Variants in UBE4B observed in about 807,000 individuals in gnomAD.
UBE4B encodes ubiquitination factor E4B.
A neutral mutation model predicts 148.1 loss-of-function variants in UBE4B; 27 were observed. That is an observed-to-expected ratio of 0.18 (90% CI 0.13 to 0.25). UBE4B has a LOEUF of 0.25. Ranked by LOEUF, UBE4B falls within the 10% of genes least tolerant of loss-of-function variation. The pLI is 1.00. For missense variants in UBE4B, 1,170 were observed against 1,662.4 expected, an observed-to-expected ratio of 0.70 and a Z score of 5.15; for synonymous variants, 596 against 619.3, an observed-to-expected ratio of 0.96 and a Z score of 0.56.
In UBE4B at chr1:10,117,590, A is replaced by G. The variant is rs1470251095; in HGVS notation, c.1328A>G (p.Lys443Arg). 2.5e-6 allele frequency: 4 copies of G among 1,582,854 alleles called. No homozygotes were observed. In the South Asian group the frequency reaches 4.7e-5, roughly 19 times the overall value. Residue 443 changes from lysine (K) to arginine (R), a missense_variant, in exon 8 of 28, where the codon AAA becomes AGA. Physicochemically the swap from Lys to Arg is conservative, Grantham distance 26 (BLOSUM62 2). This residue lies in a region of UBE4B where 388 missense variants were observed against 536.0 expected (regional missense o/e 0.72). Coordinates refer to ENST00000343090, the MANE Select transcript of UBE4B (RefSeq NM_001105562.3). ...CFDRVGIEEK[K>R]APKMCSQPAV... ...GACCGAGTTGGAATAGAGGAAAAAA[A>G]AGCACCAAAGGTAATATGAAATGGA...
chr1:10,116,550 G>A (rs76862201), intron 7 of UBE4B, among the ~76,000 whole-genome samples: 2,668 of 152,082 alleles, frequency 0.018, 34 homozygotes, highest in Non-Finnish European at 0.027. Flanking sequence ...TAATTAATCC[G>A]TATGTGTCTT....
chr1:10,079,197 G>A (rs888859070), intron 2 of UBE4B, among the ~76,000 whole-genome samples: 3 of 152,130 alleles, frequency 2.0e-5, no homozygotes, highest in Non-Finnish European at 4.4e-5. Flanking sequence ...TATTTTTTGA[G>A]ATGGAGTCCC....
At position 10,060,919 on chromosome 1, in the gene UBE4B, A is replaced by G. The variant is rs376198157; in HGVS notation, c.25-11109A>G. On this transcript the variant is annotated intron_variant, in intron 1 of 27. Coordinates refer to ENST00000343090, the MANE Select transcript of UBE4B (RefSeq NM_001105562.3). ...CCACCATGCCCAGCTAATTTTTAAAATTTTTTTGTAGAGAAGTCATCTTAC... is the reference window on the plus strand; with the variant it reads ...CCACCATGCCCAGCTAATTTTTAAAGTTTTTTTGTAGAGAAGTCATCTTAC... 5.8e-4 allele frequency among the ~76,000 whole-genome samples: 88 copies of G among 152,028 alleles called. 1 individual carries two copies. The highest frequency in any genetic ancestry group is 2.0e-3 in the African/African-American group (84 of 41,458).
chr1:10,067,035 CTT>C (rs1337418266), intron 1 of UBE4B, among the ~76,000 whole-genome samples: 4 of 152,006 alleles, frequency 2.6e-5, no homozygotes, highest in African/African-American at 9.7e-5. Context: ...AAGTAAGACA[CTT>C]TTGTAGAATG....
intron 11 of UBE4B, 41 bp from the exon 12 acceptor site, chr1:10,129,351 T>G (rs1429424109): frequency 5.7e-6 from 9 of 1,575,514 alleles, no homozygotes; most frequent in Non-Finnish European, 7.8e-6. Context: ...ACAGTCAGTT[T>G]AAGATGAAAT....
At chr1:10,128,243 A>G (rs1274323187) in intron 11 of UBE4B, 3 of 152,224 alleles carry the variant, frequency 2.0e-5, no homozygotes, top group Non-Finnish European at 4.4e-5. Flanking sequence ...AGCTTTTAGC[A>G]TCTGATATCA....
intron 16 of UBE4B, 127 bp downstream of exon 16, chr1:10,135,313 T>G (rs909909225): frequency 1.9e-5 from 19 of 1,023,166 alleles, no homozygotes; most frequent in Non-Finnish European, 2.3e-5. Flanking sequence ...ATAATAAAAA[T>G]TAATACAGTA....
At chr1:10,042,959 C>T (rs926141115) in intron 1 of UBE4B, among the ~76,000 whole-genome samples, 2 of 151,158 alleles carry the variant, frequency 1.3e-5, no homozygotes, top group Non-Finnish European at 2.9e-5. Flanking sequence ...ATGGTTAGAG[C>T]CTTCTGTGCA....
rs191476969 is a variant in UBE4B at position 10,091,069 on chromosome 1, T to G, written c.212-4392T>G. 3.3e-5 allele frequency among the ~76,000 whole-genome samples: 5 copies of G among 152,372 alleles called. No individual in the cohort carries two copies. The East Asian group carries it at 9.6e-4, about 29-fold the overall frequency. ...GCCTAGAAGGTTGCTAATTCCTGTT[T>G]CCTGAAGCAGACATAGCTTTCTCCA... On this transcript the variant is annotated intron_variant, in intron 2 of 27. Transcript: ENST00000343090.
chr1:10,150,589 C>T (rs1645953556), intron 20 of UBE4B, among the ~76,000 whole-genome samples: 1 of 152,192 alleles, frequency 6.6e-6, no homozygotes, highest in African/African-American at 2.4e-5. Context: ...AGGCTGGGTG[C>T]AATGGCTCAT....
At chr1:10,072,499 G>A (rs753892868) in intron 2 of UBE4B, 5 of 711,216 alleles carry the variant, frequency 7.0e-6, no homozygotes, top group Non-Finnish European at 1.3e-5. Flanking sequence ...ACTGAATTTG[G>A]TTCTGCTGAT....
chr1:10,155,684 A>G (rs1275767860), intron 21 of UBE4B, among the ~76,000 whole-genome samples: 1 of 152,248 alleles, frequency 6.6e-6, no homozygotes, highest in Non-Finnish European at 1.5e-5. Context: ...AGTATGTGGA[A>G]CAAGCTCCTC....
chr1:10,144,362 C>T (rs150896976), intron 17 of UBE4B, among the ~76,000 whole-genome samples: 3 of 152,112 alleles, frequency 2.0e-5, no homozygotes, highest in African/African-American at 7.2e-5. Flanking sequence ...TACTTTCTTG[C>T]AACAAAAAAG....
chr1:10,135,912 A>T (rs6685910), intron 16 of UBE4B, among the ~76,000 whole-genome samples: 32,738 of 152,050 alleles, frequency 0.22, 6,674 homozygotes, highest in African/African-American at 0.54. Flanking sequence ...ATAGCAAAAA[A>T]TATAATACTG....
At chr1:10,124,349 A>C (rs376313914) in intron 10 of UBE4B, among the ~76,000 whole-genome samples, 1 of 152,036 alleles carries the variant, frequency 6.6e-6, no homozygotes, top group Non-Finnish European at 1.5e-5. Flanking sequence ...TTTAGTAGAG[A>C]TGAAGTTTTG....
chr1:10,033,869 T>C (rs1029162146), intron 1 of UBE4B, among the ~76,000 whole-genome samples, 175 bp downstream of exon 1: 1 of 152,246 alleles, frequency 6.6e-6, no homozygotes, highest in Non-Finnish European at 1.5e-5. Flanking sequence ...TCTCCTTTAT[T>C]CTGTTGCCTT....
At chr1:10,090,128 T>C (rs1644822922) in intron 2 of UBE4B, among the ~76,000 whole-genome samples, 1 of 84,782 alleles carries the variant, frequency 1.2e-5, no homozygotes, top group African/African-American at 1.4e-4. Context: ...TGTGTGTGTG[T>C]TTTTTTTTTT....
chr1:10,055,674 C>A (rs1644152542), intron 1 of UBE4B, among the ~76,000 whole-genome samples: 2 of 152,194 alleles, frequency 1.3e-5, no homozygotes, highest in Admixed American at 1.3e-4. Context: ...AATCCCAGCA[C>A]TTTGGGAGGC....
intron 1 of UBE4B, among the ~76,000 whole-genome samples, chr1:10,039,794 A>T (rs1643687209): frequency 6.6e-6 from 1 of 152,086 alleles, no homozygotes; most frequent in Non-Finnish European, 1.5e-5. Context: ...GATTAGAAAG[A>T]TGGGTGGCAA....
Sources: gnomAD v4.1 joint callset for allele counts (sites outside exome capture counted in the v4.1 genomes callset) on GRCh38, gnomAD v4.1.1 for gene constraint, gnomAD v4.1.1 regional missense constraint, MANE v1.5 for transcripts, NCBI Gene and HGNC (gene_info 2026-07-23, HGNC 2026-07-21) for gene names.